GDPD5: variants seen among roughly 807,000 people sequenced by gnomAD.
GDPD5 encodes the protein glycerophosphodiester phosphodiesterase domain containing 5, also known as glycerophosphodiester phosphodiesterase 2.
Under a neutral mutation model 75.1 loss-of-function variants are expected in GDPD5, and 48 were observed. The observed-to-expected ratio is 0.64, with a 90% CI of 0.51 to 0.81. The LOEUF (loss-of-function observed/expected upper bound fraction) is 0.81. GDPD5 is among the 40% of genes least tolerant of loss of function. The pLI is 0.00. For synonymous variants in GDPD5, 336 were observed against 339.0 expected (o/e 0.99, Z 0.10); for missense variants, 706 against 822.6 (o/e 0.86, Z 1.73).
intron 6 of GDPD5, chr11:75,451,514 C>A (rs936948368): frequency 6.6e-6 from 1 of 152,204 alleles, no homozygotes; most frequent in East Asian, 1.9e-4. Context: ...AGGGGGTGTG[C>A]GCTTTCTCGG....
chr11:75,516,221 T>G (rs59776577), intron 1 of GDPD5: 8,865 of 152,414 alleles, frequency 0.058, 546 homozygotes, highest in African/African-American at 0.16. Context: ...TCTCCTGGGT[T>G]GACTGGGTCC....
At chr11:75,439,229 T>C (rs1592052623) in intron 15 of GDPD5, 2 of 417,762 alleles carry the variant, frequency 4.8e-6, no homozygotes, top group Non-Finnish European at 9.7e-6. Context: ...GTCTGCGAGG[T>C]GGCCCGGGCA....
chr11:75,488,918 G>A (rs1329006016), intron 2 of GDPD5, among the ~76,000 whole-genome samples: 2 of 152,178 alleles, frequency 1.3e-5, no homozygotes, highest in Admixed American at 1.3e-4. Context: ...CCCACACCTG[G>A]TGATGGGGAC....
chr11:75,455,394 A>G (rs1283109710), intron 6 of GDPD5: 1 of 456,526 alleles, frequency 2.2e-6, no homozygotes, highest in Non-Finnish European at 4.4e-6. Context: ...TGGGGGGACC[A>G]GGGGCTGCTC....
At chr11:75,482,723 C>T (rs902394512) in intron 2 of GDPD5, among the ~76,000 whole-genome samples, 4 of 150,950 alleles carry the variant, frequency 2.6e-5, no homozygotes, top group Non-Finnish European at 5.9e-5. Context: ...GTGAACACCT[C>T]CTGATCCTTC....
chr11:75,509,421 G>A (rs999530756), intron 1 of GDPD5, among the ~76,000 whole-genome samples: 2 of 152,192 alleles, frequency 1.3e-5, no homozygotes, highest in South Asian at 4.1e-4. Context: ...TACCAGCAGG[G>A]GCAGCTTGCA....
intron 13 of GDPD5, 45 bp downstream of exon 13, chr11:75,441,601 C>T (rs766296941): frequency 1.1e-5 from 17 of 1,504,174 alleles, no homozygotes; most frequent in Non-Finnish European, 1.5e-5. Context: ...CTGGGAGAGA[C>T]TCAGTCCCAC....
intron 1 of GDPD5, among the ~76,000 whole-genome samples, 197 bp downstream of exon 1, chr11:75,525,013 C>T (rs1237072624): frequency 6.6e-6 from 1 of 152,180 alleles, no homozygotes; most frequent in African/African-American, 2.4e-5. Context: ...TTAGGCGGGG[C>T]GGGGCGGGGC....
Position 75,441,271 on chromosome 11 carries a change from TG to T in GDPD5, c.1364del (p.Thr455LysfsTer81). Reference sequence around the variant, plus strand: ...GGGAGAAGAGCCACGGTGCGTTGACTGTGTAGAGGTTCACACTCAGGTTCCA... The same window carrying T: ...GGGAGAAGAGCCACGGTGCGTTGACTTGTAGAGGTTCACACTCAGGTTCCA... ...ASWNLSVNLY[T>X]VNAPWLFSLL... On this transcript the variant is annotated frameshift_variant, in exon 14 of 17. Coordinates refer to ENST00000336898, the MANE Select transcript of GDPD5 (RefSeq NM_030792.8). LOFTEE classifies it high-confidence loss of function. 6.2e-7 allele frequency: 1 copy of T among 1,614,056 alleles called. No individual in the cohort carries two copies. Among genetic ancestry groups the T allele is most frequent in the South Asian group, 1.1e-5 (1 of 91,086 alleles).
At chr11:75,443,396 G>T in intron 10 of GDPD5, 110 bp from the exon 11 acceptor site, 1 of 1,302,612 alleles carries the variant, frequency 7.7e-7, no homozygotes, top group Non-Finnish European at 1.1e-6. Flanking sequence ...ATCCCGGCTG[G>T]CTCTGCCCCT....
chr11:75,466,354 C>T (rs7107598), intron 3 of GDPD5, among the ~76,000 whole-genome samples: 6,575 of 152,134 alleles, frequency 0.043, 213 homozygotes, highest in South Asian at 0.069. Context: ...ATGGCAGGGA[C>T]TGGAAGGAAG....
chr11:75,467,093 T>A (rs1165097696), intron 3 of GDPD5, among the ~76,000 whole-genome samples: 3 of 152,078 alleles, frequency 2.0e-5, no homozygotes, highest in African/African-American at 7.2e-5. Flanking sequence ...AGGTCTCCCC[T>A]CCCTGACCAT....
Position 75,437,457 on chromosome 11 carries a change from T to G in GDPD5, c.1557-409A>C, listed in dbSNP as rs1184402418. 2.2e-5 allele frequency: 4 copies of G among 184,984 alleles called. No homozygotes were observed. The Admixed American group carries it at 2.3e-4, about 11-fold the overall frequency. The allele number at this position is 184,984 out of a possible 1,614,324, so 11.5% of individuals were successfully genotyped here. Reference sequence around the variant, plus strand: ...AGGGAGTCCCAGCTGATGTCTCTTATAGCTCCACCATCATGACCAGACTAA... The same window carrying G: ...AGGGAGTCCCAGCTGATGTCTCTTAGAGCTCCACCATCATGACCAGACTAA... On this transcript the variant is annotated intron_variant, in intron 15 of 16. Transcript: ENST00000336898.
chr11:75,483,010 G>C (rs1020083198), intron 2 of GDPD5, among the ~76,000 whole-genome samples: 1 of 152,132 alleles, frequency 6.6e-6, no homozygotes, highest in Non-Finnish European at 1.5e-5. Flanking sequence ...CACCACACTC[G>C]GCCGCCGGGA....
chr11:75,465,833 C>T (rs1302267044), intron 3 of GDPD5, among the ~76,000 whole-genome samples: 2 of 152,146 alleles, frequency 1.3e-5, no homozygotes, highest in Non-Finnish European at 2.9e-5. Context: ...TGGGTCTGGT[C>T]CCAGGCAAGT....
rs762842371 is a variant in GDPD5, at chr11:75,449,535, C to G, written c.550G>C (p.Ala184Pro). Reference protein sequence around the residue: ...MLSWIVAGQFARAERTSSQVT... With the variant: ...MLSWIVAGQFPRAERTSSQVT... ...TACTCACAGGTCCGCTCTGCGCGGG[C>G]GAACTGTCCTGCCACGATCCAGGAG... Residue 184 changes from alanine (A) to proline (P), a missense_variant, in exon 8 of 17, where the codon GCC becomes CCC. Coordinates refer to ENST00000336898, the MANE Select transcript of GDPD5 (RefSeq NM_030792.8). 1 of 1,579,808 alleles carries G rather than the reference C, an allele frequency of 6.3e-7. No individual in the cohort carries two copies. Among genetic ancestry groups the G allele is most frequent in the East Asian group, 2.3e-5 (1 of 43,480 alleles).
intron 3 of GDPD5, among the ~76,000 whole-genome samples, chr11:75,468,030 A>C (rs933284064): frequency 6.6e-6 from 1 of 152,180 alleles, no homozygotes; most frequent in African/African-American, 2.4e-5. Flanking sequence ...GCACGACTGC[A>C]GCCGCAAACC....
At chr11:75,522,217 C>T (rs1000243428) in intron 1 of GDPD5, among the ~76,000 whole-genome samples, 10 of 152,178 alleles carry the variant, frequency 6.6e-5, no homozygotes, top group African/African-American at 2.2e-4. Flanking sequence ...CAAGATGATC[C>T]TTAACAGCCT....
chr11:75,517,991 G>A (rs1301340771), intron 1 of GDPD5, among the ~76,000 whole-genome samples: 1 of 152,184 alleles, frequency 6.6e-6, no homozygotes, highest in Non-Finnish European at 1.5e-5. Context: ...TTACTGCCTT[G>A]TCTTATCTCT....
Sources: allele counts gnomAD v4.1 joint callset (sites outside exome capture counted in the v4.1 genomes callset), GRCh38; gene constraint gnomAD v4.1.1; transcripts MANE v1.5; gene names NCBI Gene and HGNC (gene_info 2026-07-23, HGNC 2026-07-21).